Variants in SLIT1 observed in about 807,000 individuals in gnomAD.
SLIT1 encodes the protein slit homolog 1 protein.
A neutral mutation model predicts 186.1 loss-of-function variants in SLIT1; 66 were observed. That is an observed-to-expected ratio of 0.35 (90% CI 0.29 to 0.44). The LOEUF is 0.44. Ranked by LOEUF, SLIT1 falls within the 20% of genes least tolerant of loss-of-function variation. The probability of loss-of-function intolerance (pLI) is 1.00; values close to 1 mark genes in which losing one functional copy is unlikely to be tolerated. For missense variants in SLIT1, 1,638 were observed against 2,037.4 expected, an observed-to-expected ratio of 0.80 and a Z score of 3.77; for synonymous variants, 761 against 833.8, an observed-to-expected ratio of 0.91 and a Z score of 1.50.
At chr10:97,100,924 C>A (rs999765159) in intron 4 of SLIT1, among the ~76,000 whole-genome samples, 2 of 152,170 alleles carry the variant, frequency 1.3e-5, no homozygotes, top group African/African-American at 4.8e-5. Flanking sequence ...TTTCTAGGGA[C>A]GGTGCAGACG....
chr10:97,170,587 A>G (rs1182831446), intron 1 of SLIT1, among the ~76,000 whole-genome samples: 1 of 152,140 alleles, frequency 6.6e-6, no homozygotes, highest in African/African-American at 2.4e-5. Flanking sequence ...AAGACGCCCT[A>G]AGCGCGTTCT....
intron 6 of SLIT1, among the ~76,000 whole-genome samples, chr10:97,064,453 C>T (rs761107891): frequency 6.6e-6 from 1 of 152,178 alleles, no homozygotes; most frequent in Non-Finnish European, 1.5e-5. Flanking sequence ...GCACCATAGA[C>T]TCCAAGGCTG....
chr10:97,157,385 C>T (rs1849965663), intron 4 of SLIT1: 1 of 171,130 alleles, frequency 5.8e-6, no homozygotes, highest in Admixed American at 6.2e-5. Context: ...GACCTCATGG[C>T]CCTAAACGGT....
At chr10:97,060,214 T>C in intron 9 of SLIT1, 56 bp from the exon 10 acceptor site, 2 of 1,382,764 alleles carry the variant, frequency 1.4e-6, no homozygotes, top group Non-Finnish European at 2.1e-6. Context: ...CAGCCCTGGG[T>C]GTTATCTGCT....
At chr10:97,067,880 G>C (rs576052342) in intron 4 of SLIT1, among the ~76,000 whole-genome samples, 1 of 152,086 alleles carries the variant, frequency 6.6e-6, no homozygotes, top group Admixed American at 6.5e-5. Flanking sequence ...CACCCCACAG[G>C]GTCCGAGAAC....
At chr10:97,096,663 C>A (rs1041016910) in intron 4 of SLIT1, among the ~76,000 whole-genome samples, 1 of 152,120 alleles carries the variant, frequency 6.6e-6, no homozygotes, top group Non-Finnish European at 1.5e-5. Flanking sequence ...CACAGCACAG[C>A]CCACCCGCCC....
At chr10:97,113,996 C>T (rs1849487639) in intron 4 of SLIT1, among the ~76,000 whole-genome samples, 1 of 152,174 alleles carries the variant, frequency 6.6e-6, no homozygotes, top group East Asian at 1.9e-4. Flanking sequence ...AAGACATCCA[C>T]CCCGCTACCA....
intron 3 of SLIT1, among the ~76,000 whole-genome samples, chr10:97,159,379 G>C (rs1032983334): frequency 5.3e-5 from 8 of 150,352 alleles, no homozygotes; most frequent in African/African-American, 1.2e-4. Context: ...CATTGCCTTG[G>C]GGGGATAAAA....
At chr10:97,067,113 G>A (rs1848954985) in intron 4 of SLIT1, among the ~76,000 whole-genome samples, 1 of 152,208 alleles carries the variant, frequency 6.6e-6, no homozygotes, top group Non-Finnish European at 1.5e-5. Flanking sequence ...CTTGTGGACT[G>A]CAGGCAACAG....
chr10:97,168,106 T>C lies in SLIT1; in HGVS notation c.198-3216A>G, dbSNP rs142461881. Reference sequence around the variant, plus strand: ...CATGCCACATAACAATGGCTGTCACTGCTAAGTGGTAGGACTCAAGGTGAC... The same window carrying C: ...CATGCCACATAACAATGGCTGTCACCGCTAAGTGGTAGGACTCAAGGTGAC... On this transcript the variant is annotated intron_variant, in intron 1 of 36. Transcript: ENST00000266058. Among the ~76,000 whole-genome samples the C allele has an allele frequency of 2.3e-3, 358 of 152,370 alleles. 2 individuals are homozygous for C. The highest frequency in any genetic ancestry group is 8.3e-3 in the African/African-American group (347 of 41,584).
chr10:97,031,522 T>C, intron 24 of SLIT1, 84 bp downstream of exon 24: 2 of 1,088,460 alleles, frequency 1.8e-6, no homozygotes, highest in Non-Finnish European at 1.4e-6. Context: ...GCCCTAGACA[T>C]GGGAACATTT....
At chr10:97,177,722 T>A (rs1850275899) in intron 1 of SLIT1, among the ~76,000 whole-genome samples, 1 of 152,196 alleles carries the variant, frequency 6.6e-6, no homozygotes, top group Admixed American at 6.5e-5. Flanking sequence ...ACGCCTGTAA[T>A]CCCAGAACTT....
At chr10:97,183,462 T>C (rs1850369201) in intron 1 of SLIT1, among the ~76,000 whole-genome samples, 1 of 152,234 alleles carries the variant, frequency 6.6e-6, no homozygotes, top group Admixed American at 6.5e-5. Flanking sequence ...AGAGACCTTA[T>C]GTAGCCTCAG....
chr10:97,108,181 G>A (rs767130940), intron 4 of SLIT1, among the ~76,000 whole-genome samples: 2 of 152,186 alleles, frequency 1.3e-5, no homozygotes, highest in Non-Finnish European at 2.9e-5. Context: ...TCAGCACCCT[G>A]TGGGCACCTC....
chr10:97,161,123 GACCACT>G (rs1460672692), intron 3 of SLIT1, among the ~76,000 whole-genome samples: 2 of 152,136 alleles, frequency 1.3e-5, no homozygotes, highest in Admixed American at 6.5e-5. Flanking sequence ...CCATTGAACT[GACCACT>G]CAGGAAGGTG....
chr10:97,182,247 G>A (rs941753395), intron 1 of SLIT1, among the ~76,000 whole-genome samples: 1 of 152,108 alleles, frequency 6.6e-6, no homozygotes, highest in African/African-American at 2.4e-5. Flanking sequence ...TTTCCATTTC[G>A]GGGGACAGGC....
intron 26 of SLIT1, 124 bp from the exon 27 acceptor site, chr10:97,019,231 A>C: frequency 1.5e-6 from 1 of 656,988 alleles, no homozygotes; most frequent in Non-Finnish European, 2.7e-6. Context: ...TTTTCCCCAG[A>C]TCGTGCTCAC....
In SLIT1 at chr10:97,042,850, T is replaced by C. The variant is rs1458307627; in HGVS notation, c.2164+51A>G. The C allele has an allele frequency of 1.9e-6, 3 of 1,587,492 alleles. No homozygotes were observed. In the Admixed American group the frequency reaches 5.1e-5, roughly 27 times the overall value. ...ATCTTCCTCACCTGCCCCACCCCAC[T>C]GGTTGGACCCAGGGCGCCCTCTCCC... On this transcript the variant is annotated intron_variant, in intron 20 of 36. Transcript: ENST00000266058.
intron 4 of SLIT1, chr10:97,154,257 A>C (rs1198073105): frequency 6.6e-6 from 1 of 152,214 alleles, no homozygotes; most frequent in Non-Finnish European, 1.5e-5. Context: ...CAACCAGATA[A>C]ATAAGGTTTG....
Sources: allele counts gnomAD v4.1 joint callset (sites outside exome capture counted in the v4.1 genomes callset), GRCh38; gene constraint gnomAD v4.1.1; transcripts MANE v1.5; gene names NCBI Gene and HGNC (gene_info 2026-07-23, HGNC 2026-07-21).